Variants in CNKSR2 observed in about 807,000 individuals in gnomAD.
CNKSR2 encodes the protein connector enhancer of kinase suppressor of Ras 2.
A neutral mutation model predicts 84.4 loss-of-function variants in CNKSR2; 14 were observed. The ratio of observed to expected loss-of-function variants is 0.17; its 90% CI spans 0.11 to 0.26. The LOEUF is 0.26. Among genes scored for constraint, CNKSR2 ranks in the 10% least tolerant of loss-of-function variants. CNKSR2 has a pLI of 1.00. For missense variants in CNKSR2, 485 were observed against 771.2 expected (o/e 0.63, Z 4.40); for synonymous variants, 275 against 277.9 (o/e 0.99, Z 0.10).
intron 4 of CNKSR2, among the ~76,000 whole-genome samples, chrX:21,462,540 A>G (rs2091074091): frequency 9.0e-6 from 1 of 110,710 alleles, no homozygotes; most frequent in Non-Finnish European, 1.9e-5. Context: ...TCTGTTGCCT[A>G]ATTGCTCTGG....
intron 5 of CNKSR2, among the ~76,000 whole-genome samples, chrX:21,486,496 A>G (rs1295045902): frequency 8.9e-6 from 1 of 112,238 alleles, no homozygotes; most frequent in African/African-American, 3.2e-5. Flanking sequence ...TAGGAATTCA[A>G]GTCCTTCTGC....
intron 9 of CNKSR2, among the ~76,000 whole-genome samples, chrX:21,519,875 G>C (rs2091765603): frequency 1.8e-5 from 2 of 110,265 alleles, no homozygotes; most frequent in African/African-American, 3.3e-5. Flanking sequence ...CCTAACATAA[G>C]GAATAATGAT....
At chrX:21,537,292 A>C (rs189182172) in intron 11 of CNKSR2, among the ~76,000 whole-genome samples, 1 of 111,635 alleles carries the variant, frequency 9.0e-6, no homozygotes, top group Non-Finnish European at 1.9e-5. Context: ...CGTATGGTCT[A>C]TCCTGGAGAA....
At chrX:21,378,698 C>G (rs978081483) in intron 1 of CNKSR2, among the ~76,000 whole-genome samples, 3 of 110,643 alleles carry the variant, frequency 2.7e-5, no homozygotes, top group African/African-American at 9.9e-5. Context: ...TCAAAATATC[C>G]ACATGACTAA....
At chrX:21,635,479 AATAT>A (rs1465230831) in intron 20 of CNKSR2, among the ~76,000 whole-genome samples, 1 of 100,536 alleles carries the variant, frequency 9.9e-6, no homozygotes, top group East Asian at 3.0e-4. Flanking sequence ...TGTATATATA[AATAT>A]ATGTATATGT....
chrX:21,404,789 C>CAAAAAAAAAAAA (rs59192713), intron 1 of CNKSR2, among the ~76,000 whole-genome samples: 4 of 30,078 alleles, frequency 1.3e-4, no homozygotes, highest in African/African-American at 2.5e-4. Context: ...AACTCTGTCT[C>CAAAAAAAAAAAA]AAAAAAAAAA....
At position 21,519,265 on chromosome X, in the gene CNKSR2, T is replaced by C. The variant is rs1056781636; in HGVS notation, c.957+2634T>C. Among the ~76,000 whole-genome samples, 78 of 111,129 alleles carry C rather than the reference T, an allele frequency of 7.0e-4. 1 individual carries two copies. Among genetic ancestry groups the C allele is most frequent in the Non-Finnish European group, 2.3e-4 (12 of 52,733 alleles). On this transcript the variant is annotated intron_variant, in intron 9 of 21. Transcript: ENST00000379510. ...TAATGAAAACTAGTCAAAATTTTTA[T>C]AGATTATAGATTTTGGTACAGAAGA...
intron 17 of CNKSR2, among the ~76,000 whole-genome samples, chrX:21,597,408 C>T (rs2092456506): frequency 8.9e-6 from 1 of 111,830 alleles, no homozygotes; most frequent in Admixed American, 9.5e-5. Context: ...GCCGTCTCCA[C>T]ATTATACATT....
chrX:21,497,661 G>C, intron 6 of CNKSR2, 126 bp from the exon 7 acceptor site: 1 of 472,049 alleles, frequency 2.1e-6, no homozygotes, highest in South Asian at 3.0e-5. Context: ...TGTCTTCATG[G>C]ATTTATTTCT....
chrX:21,488,662 G>A (rs895737891), intron 5 of CNKSR2, among the ~76,000 whole-genome samples: 3 of 111,555 alleles, frequency 2.7e-5, no homozygotes, highest in Admixed American at 9.5e-5. Flanking sequence ...ACAAAGTGAG[G>A]CCATGGACCA....
chrX:21,413,987 A>G (rs1164249176), intron 1 of CNKSR2, among the ~76,000 whole-genome samples: 4 of 110,954 alleles, frequency 3.6e-5, no homozygotes, highest in Admixed American at 2.9e-4. Flanking sequence ...TAAAATGCAT[A>G]TGGAACCACG....
rs763895168 is a variant in CNKSR2 at position 21,613,799 on chromosome X, G to A, written c.2692+4182G>A. 2.0e-3 allele frequency among the ~76,000 whole-genome samples: 226 copies of A among 110,547 alleles called. 1 individual carries two copies. The highest frequency in any genetic ancestry group is 3.5e-3 in the South Asian group (9 of 2,574). ...TACGAAAAATACAAAAATTAGCCAGGCGTGGTGGCACATACCTGTAATCCC... is the reference window on the plus strand; with the variant it reads ...TACGAAAAATACAAAAATTAGCCAGACGTGGTGGCACATACCTGTAATCCC... On this transcript the variant is annotated intron_variant, in intron 20 of 21. Coordinates refer to ENST00000379510, the MANE Select transcript of CNKSR2 (RefSeq NM_014927.5).
intron 5 of CNKSR2, among the ~76,000 whole-genome samples, chrX:21,489,363 G>C (rs983032117): frequency 9.0e-6 from 1 of 111,501 alleles, no homozygotes; most frequent in Non-Finnish European, 1.9e-5. Flanking sequence ...ACTAATAACA[G>C]TGGCTACAGA....
At position 21,374,521 on chromosome X, in the gene CNKSR2, C is replaced by G; in HGVS notation, c.-377C>G. ...GTGCGGCAGAGGCTGCTTCCCTCGG[C>G]GACGCGACCCCTCAGCAACTCAAGC... is the stretch of plus-strand genomic sequence containing the variant. On this transcript the variant is annotated 5_prime_UTR_variant, in exon 1 of 22. Transcript: ENST00000379510. 4.8e-6 allele frequency: 2 copies of G among 414,400 alleles called. No homozygotes were observed. The highest frequency in any genetic ancestry group is 8.5e-6 in the Non-Finnish European group (2 of 234,552). The allele number at this position is 414,400 out of a possible 1,213,427, so 34.2% of individuals were successfully genotyped here. A position where few individuals can be genotyped will look rare whatever the true frequency, so the allele number is the denominator to read the frequency against.
intron 4 of CNKSR2, among the ~76,000 whole-genome samples, chrX:21,465,493 A>G (rs987307590): frequency 1.8e-5 from 2 of 111,532 alleles, no homozygotes; most frequent in Non-Finnish European, 3.8e-5. Flanking sequence ...GAATATGTTG[A>G]AGTGTTGAGT....
intron 5 of CNKSR2, among the ~76,000 whole-genome samples, chrX:21,483,815 T>C (rs1253609976): frequency 9.1e-6 from 1 of 109,947 alleles, no homozygotes; most frequent in Non-Finnish European, 1.9e-5. Context: ...CTAAACATAC[T>C]ATATTTAGTG....
chrX:21,502,847 A>G (rs185826336), intron 8 of CNKSR2, among the ~76,000 whole-genome samples: 1 of 111,560 alleles, frequency 9.0e-6, no homozygotes, highest in African/African-American at 3.2e-5. Flanking sequence ...TTCTTTTCTG[A>G]TTACTAGAAA....
intron 18 of CNKSR2, among the ~76,000 whole-genome samples, chrX:21,602,566 T>G (rs189861184): frequency 8.9e-6 from 1 of 112,118 alleles, no homozygotes; most frequent in East Asian, 2.8e-4. Context: ...CACAGATTAG[T>G]AAATTTTTTC....
At chrX:21,482,022 A>G (rs1224947807) in intron 5 of CNKSR2, among the ~76,000 whole-genome samples, 1 of 112,036 alleles carries the variant, frequency 8.9e-6, no homozygotes, top group Non-Finnish European at 1.9e-5. Flanking sequence ...TGAGCCATGG[A>G]AACTGAGAGA....
Sources: gnomAD v4.1 joint callset for allele counts (sites outside exome capture counted in the v4.1 genomes callset) on GRCh38, gnomAD v4.1.1 for gene constraint, MANE v1.5 for transcripts, NCBI Gene and HGNC (gene_info 2026-07-23, HGNC 2026-07-21) for gene names.